The following NEK6 variants were observed in gnomAD, a reference collection of about 807,000 sequenced individuals.
NEK6 encodes serine/threonine-protein kinase Nek6.
A neutral mutation model predicts 43.5 loss-of-function variants in NEK6; 27 were observed. The ratio of observed to expected loss-of-function variants is 0.62; its 90% CI spans 0.46 to 0.86. The LOEUF is 0.86. Ranked by LOEUF, NEK6 falls within the 40% of genes least tolerant of loss-of-function variation. The pLI, the probability that NEK6 is intolerant of heterozygous loss-of-function variation, is 0.00. For synonymous variants in NEK6, 167 were observed against 164.1 expected, an observed-to-expected ratio of 1.02 and a Z score of -0.14; for missense variants, 318 against 414.4, an observed-to-expected ratio of 0.77 and a Z score of 2.02.
At chr9:124,286,999 G>T (rs1171267077) in intron 1 of NEK6, among the ~76,000 whole-genome samples, 1 of 152,210 alleles carries the variant, frequency 6.6e-6, no homozygotes, top group Non-Finnish European at 1.5e-5. Flanking sequence ...GGGCACAGCA[G>T]GTGTTGATAT....
intron 2 of NEK6, among the ~76,000 whole-genome samples, chr9:124,307,860 C>G (rs929851568): frequency 9.2e-5 from 14 of 152,294 alleles, no homozygotes; most frequent in East Asian, 1.9e-4. Context: ...TTACCGCCAG[C>G]CGCCGAGGGG....
At chr9:124,257,840 G>A, upstream of NEK6, 2 of 1,110,282 alleles carry the variant, frequency 1.8e-6, no homozygotes, top group Non-Finnish European at 2.3e-6. Flanking sequence ...ACGCCGCCGG[G>A]GCGCCCCCCG....
chr9:124,317,830 G>A (rs528546395), intron 4 of NEK6, among the ~76,000 whole-genome samples: 4 of 152,298 alleles, frequency 2.6e-5, no homozygotes, highest in East Asian at 1.9e-4. Flanking sequence ...TGCTGCATCC[G>A]TGTTGCTGCA....
At chr9:124,305,294 C>T (rs554834815) in intron 2 of NEK6, among the ~76,000 whole-genome samples, 2 of 152,300 alleles carry the variant, frequency 1.3e-5, no homozygotes, top group South Asian at 2.1e-4. Context: ...GTGGCTCACA[C>T]CTGTAATCCC....
chr9:124,292,399 C>A, intron 1 of NEK6: 1 of 1,526,284 alleles, frequency 6.6e-7, no homozygotes, highest in Non-Finnish European at 8.8e-7. Flanking sequence ...GCAGAAAAAG[C>A]AATTCTTTCT....
chr9:124,260,508 C>A (rs2118842011), intron 1 of NEK6, among the ~76,000 whole-genome samples: 1 of 152,300 alleles, frequency 6.6e-6, no homozygotes, highest in African/African-American at 2.4e-5. Flanking sequence ...AGCCTCCTGC[C>A]TCAGCCTCCT....
chr9:124,268,003 A>G (rs1831290486), intron 1 of NEK6, among the ~76,000 whole-genome samples: 1 of 152,120 alleles, frequency 6.6e-6, no homozygotes, highest in African/African-American at 2.4e-5. Flanking sequence ...GACAGGAGAG[A>G]TGGTTTGGAA....
chr9:124,341,276 A>T (rs1281027431), intron 8 of NEK6, among the ~76,000 whole-genome samples: 1 of 152,142 alleles, frequency 6.6e-6, no homozygotes. Flanking sequence ...CTTTCTTTAT[A>T]AGCCAGTGAC....
At chr9:124,350,727 A>T (rs1830223508) in intron 9 of NEK6, 110 bp from the exon 10 acceptor site, 1 of 767,444 alleles carries the variant, frequency 1.3e-6, no homozygotes. Context: ...GGACAACGGG[A>T]CCATCTAGTT....
rs934097132 is a variant in NEK6, at chr9:124,326,722, C to T, written c.514+284C>T. Reference sequence around the variant, plus strand: ...GGAGGGAGGTCGAGGAAGCCTCGCACAGAGGGGACTTTCATGGGGGCTTTG... The same window carrying T: ...GGAGGGAGGTCGAGGAAGCCTCGCATAGAGGGGACTTTCATGGGGGCTTTG... On this transcript the variant is annotated intron_variant, in intron 6 of 9. Coordinates refer to ENST00000320246, the MANE Select transcript of NEK6 (RefSeq NM_014397.6). This position sits in a 1 kb window ranked among gnomAD's most constrained non-coding sequence, Gnocchi z 4.5. Among the ~76,000 whole-genome samples the T allele has an allele frequency of 6.6e-6, 1 of 152,196 alleles. No individual in the cohort carries two copies. Among genetic ancestry groups the T allele is most frequent in the Non-Finnish European group, 1.5e-5 (1 of 68,030 alleles).
chr9:124,272,891 C>T (rs1348380856), intron 1 of NEK6, among the ~76,000 whole-genome samples: 3 of 152,178 alleles, frequency 2.0e-5, no homozygotes, highest in Non-Finnish European at 4.4e-5. Flanking sequence ...GGCTTCCAGA[C>T]CACACTATCG....
intron 1 of NEK6, among the ~76,000 whole-genome samples, chr9:124,293,619 CTT>C: frequency 6.6e-6 from 1 of 152,304 alleles, no homozygotes; most frequent in East Asian, 1.9e-4. Flanking sequence ...TCTCCAGTGA[CTT>C]TTGTCTGATC....
At chr9:124,281,856 G>A (rs7861040) in intron 1 of NEK6, among the ~76,000 whole-genome samples, 44 of 151,984 alleles carry the variant, frequency 2.9e-4, no homozygotes, top group Non-Finnish European at 5.4e-4. Context: ...TTAGATGCCA[G>A]AAAACTCTGG....
At chr9:124,304,198 G>A (rs189573456) in intron 2 of NEK6, among the ~76,000 whole-genome samples, 35 of 152,322 alleles carry the variant, frequency 2.3e-4, no homozygotes, top group East Asian at 1.2e-3. Context: ...CTTTCTCCTC[G>A]GCTCCTGAAG....
rs1252506924 is a variant in NEK6, at chr9:124,326,499, A to G, written c.514+61A>G. 1.6e-6 allele frequency: 2 copies of G among 1,248,480 alleles called. No individual in the cohort carries two copies. Among genetic ancestry groups the G allele is most frequent in the Non-Finnish European group, 2.3e-6 (2 of 862,216 alleles). 77.3% of individuals were successfully genotyped at this position (1,248,480 alleles called of 1,614,324 possible). On this transcript the variant is annotated intron_variant, in intron 6 of 9. Coordinates refer to ENST00000320246, the MANE Select transcript of NEK6 (RefSeq NM_014397.6). The surrounding 1 kb of genome is among the most constrained non-coding windows in gnomAD (Gnocchi z 4.5). ...CTGGAGCCCAGGAAGACACTTCCTCATGGCTCCTCCAGGGTCCTCAGGGGC... is the reference window on the plus strand; with the variant it reads ...CTGGAGCCCAGGAAGACACTTCCTCGTGGCTCCTCCAGGGTCCTCAGGGGC...
At chr9:124,327,507 C>T (rs1307709583) in intron 7 of NEK6, 62 bp downstream of exon 7, 15 of 1,241,200 alleles carry the variant, frequency 1.2e-5, no homozygotes, top group Admixed American at 6.8e-5. Context: ...TGCAGGGAGA[C>T]GCAAACATTC....
intron 7 of NEK6, among the ~76,000 whole-genome samples, chr9:124,335,641 C>T (rs1829252628): frequency 2.0e-5 from 3 of 152,228 alleles, no homozygotes; most frequent in Non-Finnish European, 2.9e-5. Context: ...ACTCATTCAT[C>T]CAGTGAGCGG....
chr9:124,265,057 T>C (rs1377389358), intron 1 of NEK6, among the ~76,000 whole-genome samples: 1 of 152,030 alleles, frequency 6.6e-6, no homozygotes, highest in African/African-American at 2.4e-5. Flanking sequence ...TTCCAGGGCC[T>C]TTGGGGAGGG....
intron 1 of NEK6, 138 bp downstream of exon 1, chr9:124,258,223 G>A: frequency 1.0e-6 from 1 of 979,908 alleles, no homozygotes; most frequent in Non-Finnish European, 1.2e-6. Flanking sequence ...AGAGCGGGAG[G>A]CGGGCGCGAG....
Sources: allele counts gnomAD v4.1 joint callset (sites outside exome capture counted in the v4.1 genomes callset), GRCh38; gene constraint gnomAD v4.1.1; non-coding constraint Gnocchi (gnomAD v3.1); transcripts MANE v1.5; gene names NCBI Gene and HGNC (gene_info 2026-07-23, HGNC 2026-07-21).